Variants in MGAT4C observed in about 807,000 individuals in gnomAD.
The protein encoded by MGAT4C is alpha-1,3-mannosyl-glycoprotein 4-beta-N-acetylglucosaminyltransferase C.
Under a neutral mutation model 40.1 loss-of-function variants are expected in MGAT4C, and 19 were observed. The ratio of observed to expected loss-of-function variants is 0.47; its 90% CI spans 0.33 to 0.70. MGAT4C has a LOEUF of 0.70. Among genes scored for constraint, MGAT4C ranks in the 30% least tolerant of loss-of-function variants. MGAT4C has a pLI of 0.02. For missense variants in MGAT4C, 491 were observed against 563.2 expected (o/e 0.87, Z 1.30); for synonymous variants, 181 against 187.1 (o/e 0.97, Z 0.27).
At chr12:86,192,289 A>G (rs1047215137) in intron 1 of MGAT4C, among the ~76,000 whole-genome samples, 1 of 152,120 alleles carries the variant, frequency 6.6e-6, no homozygotes, top group Non-Finnish European at 1.5e-5. Context: ...CTGCTTTAAC[A>G]TTAGGGCACT....
chr12:86,586,950 A>C (rs1029546113), intron 2 of MGAT4C, among the ~76,000 whole-genome samples: 1 of 151,954 alleles, frequency 6.6e-6, no homozygotes, highest in African/African-American at 2.4e-5. Context: ...GAAGCTCTTT[A>C]GTTTAATTAG....
At chr12:86,175,965 G>T (rs182703551) in intron 1 of MGAT4C, among the ~76,000 whole-genome samples, 1 of 152,214 alleles carries the variant, frequency 6.6e-6, no homozygotes, top group East Asian at 1.9e-4. Context: ...GGGAGACTCC[G>T]TCTCAAAACA....
chr12:86,046,759 T>A (rs952190895), intron 2 of MGAT4C, among the ~76,000 whole-genome samples: 1 of 152,142 alleles, frequency 6.6e-6, no homozygotes, highest in Non-Finnish European at 1.5e-5. Flanking sequence ...TCTCATTCTG[T>A]CACAATACAC....
intron 4 of MGAT4C, among the ~76,000 whole-genome samples, chr12:86,263,771 T>C (rs61950664): frequency 1.1e-4 from 16 of 152,202 alleles, no homozygotes; most frequent in Non-Finnish European, 1.9e-4. Context: ...ATAAAGCTTG[T>C]ACTAATTTAC....
At chr12:86,685,613 A>G (rs1565924585) in intron 2 of MGAT4C, among the ~76,000 whole-genome samples, 1 of 152,102 alleles carries the variant, frequency 6.6e-6, no homozygotes, top group Non-Finnish European at 1.5e-5. Flanking sequence ...TCTATAAATG[A>G]CTTTGGGCAG....
rs976559501 is a variant in MGAT4C, at chr12:86,287,138, T to C, written c.-57+46927A>G. On this transcript the variant is annotated intron_variant, in intron 4 of 7. Coordinates refer to the MGAT4C transcript ENST00000548651. ...GCTGGGTCAAATGGTAGTTCCTCTT[T>C]GAGATCTTTGAGAAATCACCAACCT... Among the ~76,000 whole-genome samples the C allele has an allele frequency of 1.3e-5, 2 of 152,080 alleles. 1 individual carries two copies. The highest frequency in any genetic ancestry group is 4.1e-4 in the South Asian group (2 of 4,820).
intron 2 of MGAT4C, among the ~76,000 whole-genome samples, chr12:86,446,852 T>G (rs1957350514): frequency 6.6e-6 from 1 of 151,100 alleles, no homozygotes; most frequent in Non-Finnish European, 1.5e-5. Flanking sequence ...TAACCCTACC[T>G]GTATGCAAAT....
chr12:86,523,913 C>T (rs1306615153), intron 2 of MGAT4C, among the ~76,000 whole-genome samples: 3 of 152,010 alleles, frequency 2.0e-5, no homozygotes, highest in Non-Finnish European at 4.4e-5. Flanking sequence ...GCAATCCCTG[C>T]TTTCTTCTGT....
intron 2 of MGAT4C, among the ~76,000 whole-genome samples, chr12:86,466,071 T>C (rs1394190657): frequency 6.6e-6 from 1 of 151,814 alleles, no homozygotes; most frequent in Non-Finnish European, 1.5e-5. Flanking sequence ...CAGCCAGGCG[T>C]GGTGGCAGGC....
At chr12:86,518,212 AT>A (rs1250109686) in intron 2 of MGAT4C, among the ~76,000 whole-genome samples, 1 of 152,200 alleles carries the variant, frequency 6.6e-6, no homozygotes, top group African/African-American at 2.4e-5. Context: ...CAACAAAAAA[AT>A]GAATAGAGTT....
chr12:86,251,034 G>A (rs1006176130), intron 1 of MGAT4C, among the ~76,000 whole-genome samples: 3 of 151,194 alleles, frequency 2.0e-5, no homozygotes, highest in Non-Finnish European at 4.4e-5. Flanking sequence ...AATAGTAATT[G>A]AACATTTACT....
intron 4 of MGAT4C, among the ~76,000 whole-genome samples, chr12:86,268,668 T>C (rs958935142): frequency 1.4e-5 from 2 of 146,854 alleles, no homozygotes; most frequent in African/African-American, 4.9e-5. Context: ...TAACTACATA[T>C]ATATATATAT....
chr12:86,401,451 A>ACCATTTTTCAAG (rs1956362184), intron 3 of MGAT4C, among the ~76,000 whole-genome samples: 1 of 152,150 alleles, frequency 6.6e-6, no homozygotes, highest in Non-Finnish European at 1.5e-5. Context: ...TTTCAATGTT[A>ACCATTTTTCAAG]CCATGTCACA....
chr12:86,769,095 G>A (rs1448799725), intron 1 of MGAT4C, among the ~76,000 whole-genome samples: 1 of 152,060 alleles, frequency 6.6e-6, no homozygotes, highest in Non-Finnish European at 1.5e-5. Flanking sequence ...TACAAAATGG[G>A]AGAACATTTC....
At chr12:86,017,304 T>C (rs997619570) in intron 2 of MGAT4C, among the ~76,000 whole-genome samples, 11 of 152,246 alleles carry the variant, frequency 7.2e-5, no homozygotes, top group African/African-American at 2.6e-4. Flanking sequence ...ATCTACAGCA[T>C]GGTACTCTTG....
At chr12:86,837,371 C>T (rs1274166197) in intron 1 of MGAT4C, among the ~76,000 whole-genome samples, 8 of 152,090 alleles carry the variant, frequency 5.3e-5, no homozygotes, top group South Asian at 2.1e-4. Flanking sequence ...CTTAAAGTTA[C>T]GATTTGGGTG....
chr12:85,980,019 G>A lies in MGAT4C; in HGVS notation c.707C>T (p.Ala236Val). The change falls in exon 5 of 5, where the codon GCC (alanine) becomes GTC (valine). Residue 236 changes from alanine (A) to valine (V), a missense_variant. Ala to Val is a moderately conservative substitution (Grantham distance 64). Transcript: ENST00000611864. The stretch of plus-strand genomic sequence containing the variant: ...TAGGGATGCAATGACTTTCTTGATG[G>A]CAGTTAAGAAATTTTTTGAACATCG... ...DVRCSKNFLTAIKKVIASLEG... is the reference protein window; with the variant it reads ...DVRCSKNFLTVIKKVIASLEG... 1 of 1,613,558 alleles carries A rather than the reference G, an allele frequency of 6.2e-7. No homozygotes were observed. Among genetic ancestry groups the A allele is most frequent in the Non-Finnish European group, 8.5e-7 (1 of 1,179,796 alleles).
chr12:85,982,933 CAA>C (rs747285475), intron 4 of MGAT4C, among the ~76,000 whole-genome samples: 25 of 152,244 alleles, frequency 1.6e-4, no homozygotes, highest in Admixed American at 4.6e-4. Flanking sequence ...GCCCCAAAGT[CAA>C]AGAGTACCAG....
chr12:86,128,036 A>C (rs1428742849), intron 1 of MGAT4C, among the ~76,000 whole-genome samples: 2 of 152,218 alleles, frequency 1.3e-5, no homozygotes, highest in African/African-American at 4.8e-5. Context: ...AGTATTCTGC[A>C]CTGTACATAA....
Sources: gnomAD v4.1 joint callset for allele counts (sites outside exome capture counted in the v4.1 genomes callset) on GRCh38, gnomAD v4.1.1 for gene constraint, MANE v1.5 for transcripts, NCBI Gene and HGNC (gene_info 2026-07-23, HGNC 2026-07-21) for gene names.